The following QTRT2 variants were observed in gnomAD, a reference collection of about 807,000 sequenced individuals.
QTRT2 encodes queuine tRNA-ribosyltransferase domain containing 1.
QTRT2 carries 32 observed loss-of-function variants against 44.8 expected under a neutral mutation model. The observed-to-expected ratio is 0.71, with a 90% CI of 0.54 to 0.96. The LOEUF (loss-of-function observed/expected upper bound fraction) is 0.96. QTRT2 is among the 40% of genes least tolerant of loss of function. The probability of loss-of-function intolerance (pLI) is 0.00; values close to 1 mark genes in which losing one functional copy is unlikely to be tolerated. For missense variants in QTRT2, 461 were observed against 503.1 expected (o/e 0.92, Z 0.80); for synonymous variants, 182 against 187.4 (o/e 0.97, Z 0.24).
intron 6 of QTRT2, among the ~76,000 whole-genome samples, chr3:114,075,763 C>A (rs2077082703): frequency 6.6e-6 from 1 of 152,078 alleles, no homozygotes; most frequent in Non-Finnish European, 1.5e-5. Context: ...CCTGCCTCGG[C>A]CTCCTGCTGG....
rs116177573 is a variant in QTRT2 at position 114,067,432 on chromosome 3, A to G, written c.257-555A>G. Among the ~76,000 whole-genome samples, 404 of 152,292 alleles carry G rather than the reference A, an allele frequency of 2.7e-3. 1 individual carries two copies. Among genetic ancestry groups the G allele is most frequent in the African/African-American group, 9.3e-3 (388 of 41,560 alleles). ...TACTAAACTTTTTTTGCATTTTTTAAAAAATGATTGTCTTTTTGACTGAAG... is the reference window on the plus strand; with the variant it reads ...TACTAAACTTTTTTTGCATTTTTTAGAAAATGATTGTCTTTTTGACTGAAG... On this transcript the variant is annotated intron_variant, in intron 4 of 9. Coordinates refer to ENST00000281273, the MANE Select transcript of QTRT2 (RefSeq NM_024638.4).
chr3:114,069,726 G>A (rs2077000142), intron 5 of QTRT2, among the ~76,000 whole-genome samples: 3 of 152,146 alleles, frequency 2.0e-5, no homozygotes, highest in Non-Finnish European at 2.9e-5. Flanking sequence ...GTGTCCTTAT[G>A]GCGGAATGAT....
In QTRT2 at chr3:114,065,250, C is replaced by T. The variant is rs2076936445; in HGVS notation, c.-8C>T. The T allele has an allele frequency of 1.9e-6, 3 of 1,613,000 alleles. No individual in the cohort carries two copies. In the African/African-American group the frequency reaches 4.0e-5, roughly 22 times the overall value. ...TTTTCTTGACAGGACCTAGAAGAAT[C>T]CCTTAGGATGAAGCTGAGTCTTACC... On this transcript the variant is annotated 5_prime_UTR_variant, in exon 3 of 10. Coordinates refer to ENST00000281273, the MANE Select transcript of QTRT2 (RefSeq NM_024638.4).
In QTRT2 at chr3:114,068,018, G is replaced by A. The variant is rs757269806; in HGVS notation, c.288G>A (p.Leu96=). The A allele has an allele frequency of 1.2e-6, 2 of 1,613,692 alleles. No individual in the cohort carries two copies. ...CAGAATCACTCTTGTACTGCTCCCT[G>A]CACGATCCAGTCAGCCCCTGCCCGG... ...GMPESLLYCS[L]HDPVSPCPAG... Residue 96 remains leucine, a synonymous_variant, in exon 5 of 10, where the codon CTG becomes CTA. Transcript: ENST00000281273.
At chr3:114,070,111 G>A (rs150473591) in intron 5 of QTRT2, among the ~76,000 whole-genome samples, 3 of 152,304 alleles carry the variant, frequency 2.0e-5, no homozygotes, top group Non-Finnish European at 4.4e-5. Flanking sequence ...CAATGGACAC[G>A]TAGTATTTTG....
intron 2 of QTRT2, among the ~76,000 whole-genome samples, chr3:114,064,964 T>C (rs781654614): frequency 6.6e-6 from 1 of 152,186 alleles, no homozygotes; most frequent in Non-Finnish European, 1.5e-5. Flanking sequence ...GTTCTTTCAT[T>C]TGTTTGGTTT....
intron 4 of QTRT2, 56 bp from the exon 5 acceptor site, chr3:114,067,931 T>TCA: frequency 6.7e-7 from 1 of 1,483,676 alleles, no homozygotes; most frequent in Non-Finnish European, 9.4e-7. Context: ...CCTGCTATAA[T>TCA]ACAGTGTCAT....
At chr3:114,074,859 A>G (rs2077068023) in intron 6 of QTRT2, among the ~76,000 whole-genome samples, 1 of 152,248 alleles carries the variant, frequency 6.6e-6, no homozygotes, top group Admixed American at 6.5e-5. Flanking sequence ...CTCTTTCTCT[A>G]TAAATGCATA....
At chr3:114,058,469 T>C (rs1027219825) in intron 2 of QTRT2, among the ~76,000 whole-genome samples, 3 of 152,212 alleles carry the variant, frequency 2.0e-5, no homozygotes, top group Admixed American at 2.0e-4. Flanking sequence ...CCCTACCAAA[T>C]GGTGTAACGA....
intron 6 of QTRT2, among the ~76,000 whole-genome samples, chr3:114,074,945 A>G (rs2077069643): frequency 6.6e-6 from 1 of 152,210 alleles, no homozygotes; most frequent in Non-Finnish European, 1.5e-5. Context: ...TGATCTACGT[A>G]AGCCTTTACT....
intron 5 of QTRT2, 84 bp downstream of exon 5, chr3:114,068,147 A>AGACAGTGGGAT: frequency 1.9e-6 from 2 of 1,055,360 alleles, no homozygotes; most frequent in Non-Finnish European, 3.0e-6. Context: ...CTCAGATCCC[A>AGACAGTGGGAT]CTGTCTGGGA....
chr3:114,077,112 A>T, intron 7 of QTRT2, 170 bp downstream of exon 7: 2 of 623,776 alleles, frequency 3.2e-6, no homozygotes, highest in Non-Finnish European at 5.6e-6. Flanking sequence ...GGGAGTTTCC[A>T]TCAAGGCTGT....
intron 6 of QTRT2, among the ~76,000 whole-genome samples, chr3:114,071,601 G>C (rs2077025254): frequency 6.6e-6 from 1 of 151,924 alleles, no homozygotes; most frequent in African/African-American, 2.4e-5. Flanking sequence ...GCCTGGCTAA[G>C]AAATTTGAGC....
chr3:114,063,606 CATAGTT>C (rs1188344400), intron 2 of QTRT2, among the ~76,000 whole-genome samples: 1 of 151,904 alleles, frequency 6.6e-6, no homozygotes, highest in Admixed American at 6.6e-5. Context: ...ATAATGATCT[CATAGTT>C]ATAGAAAATT....
intron 2 of QTRT2, among the ~76,000 whole-genome samples, chr3:114,064,054 C>T (rs1482900857): frequency 5.3e-5 from 8 of 151,856 alleles, no homozygotes; most frequent in Admixed American, 1.3e-4. Flanking sequence ...ATTTCTACTA[C>T]AAATACAAAA....
At chr3:114,085,143 C>T (rs1322689473) in intron 9 of QTRT2, among the ~76,000 whole-genome samples, 1 of 152,186 alleles carries the variant, frequency 6.6e-6, no homozygotes, top group Non-Finnish European at 1.5e-5. Flanking sequence ...TAACCCCAGA[C>T]TCGGAGTTTG....
chr3:114,058,657 G>A (rs764990234), intron 2 of QTRT2, among the ~76,000 whole-genome samples: 6 of 151,938 alleles, frequency 3.9e-5, no homozygotes, highest in African/African-American at 9.7e-5. Flanking sequence ...CTCAGCCTCC[G>A]GAGTAGCTGG....
At position 114,056,832 on chromosome 3, in the gene QTRT2, G is replaced by T. The variant is rs2076796823; in HGVS notation, c.-162G>T. The stretch of plus-strand genomic sequence containing the variant: ...GAACTGTGAGGAGTTTGAGGGGTCT[G>T]AAGACTGAAAGAGTCGAATGGTTTG... On this transcript the variant is annotated 5_prime_UTR_variant, in exon 1 of 10. Coordinates refer to ENST00000281273, the MANE Select transcript of QTRT2 (RefSeq NM_024638.4). 2 of 1,535,612 alleles carry T rather than the reference G, an allele frequency of 1.3e-6. No individual in the cohort carries two copies. The highest frequency in any genetic ancestry group is 1.7e-6 in the Non-Finnish European group (2 of 1,146,712).
intron 2 of QTRT2, among the ~76,000 whole-genome samples, chr3:114,064,774 G>A (rs2076930735): frequency 6.6e-6 from 1 of 152,006 alleles, no homozygotes; most frequent in Non-Finnish European, 1.5e-5. Flanking sequence ...TCACTTAACA[G>A]CATTATTAGG....
Sources: gnomAD v4.1 joint callset for allele counts (sites outside exome capture counted in the v4.1 genomes callset) on GRCh38, gnomAD v4.1.1 for gene constraint, MANE v1.5 for transcripts, NCBI Gene and HGNC (gene_info 2026-07-23, HGNC 2026-07-21) for gene names.